The following STARD9 variants were observed in gnomAD, a reference collection of about 807,000 sequenced individuals.
The protein encoded by STARD9 is stAR-related lipid transfer protein 9.
Under a neutral mutation model 399.8 loss-of-function variants are expected in STARD9, and 346 were observed. The observed-to-expected ratio is 0.87, with a 90% confidence interval of 0.79 to 0.95. The LOEUF (loss-of-function observed/expected upper bound fraction) is 0.95, where lower values mean the gene tolerates loss of function less well. Ranked by LOEUF, STARD9 falls within the 40% of genes least tolerant of loss-of-function variation. The pLI is 0.00. For synonymous variants in STARD9, 2,203 were observed against 2,143.5 expected (o/e 1.03, Z -0.77); for missense variants, 5,832 against 5,667.5 (o/e 1.03, Z -0.93).
intron 26 of STARD9, among the ~76,000 whole-genome samples, chr15:42,702,007 A>C (rs112745455): frequency 0.025 from 3,834 of 151,014 alleles, 189 homozygotes; most frequent in East Asian, 0.076. Flanking sequence ...AAAAAAAAAA[A>C]AAAAAAAAAG....
At chr15:42,583,317 T>A in intron 1 of STARD9, 29 bp from the exon 2 acceptor site, 1 of 1,510,328 alleles carries the variant, frequency 6.6e-7, no homozygotes, top group Non-Finnish European at 8.9e-7. Flanking sequence ...AAAAACAACA[T>A]TTCTTCTGAG....
intron 20 of STARD9, 135 bp downstream of exon 20, chr15:42,676,110 C>T (rs2060306854): frequency 2.8e-6 from 2 of 716,604 alleles, no homozygotes; most frequent in East Asian, 5.5e-5. Context: ...TCTGAATCAA[C>T]TTGGGCAAGT....
chr15:42,655,346 C>T (rs1160376802), intron 9 of STARD9, among the ~76,000 whole-genome samples: 1 of 152,082 alleles, frequency 6.6e-6, no homozygotes, highest in Non-Finnish European at 1.5e-5. Flanking sequence ...TACTATAAGG[C>T]CAATAGTTAC....
At position 42,684,442 on chromosome 15, in the gene STARD9, C is replaced by G; in HGVS notation, c.2864C>G (p.Ser955Ter). The change falls in exon 23 of 33, where the codon TCA becomes TGA. Residue 955 changes from serine to a stop codon, truncating the protein, a stop_gained. Transcript: ENST00000290607. LOFTEE classifies it high-confidence loss of function. The part of the protein sequence containing the change: ...VSQGLASLRK[S>*]ANKLKPRHEP... ...CAGGGCTTAGCATCTCTGAGGAAAT[C>G]AGCTAACAAACTAAAGCCAAGGCAT... The G allele has an allele frequency of 6.5e-7, 1 of 1,537,252 alleles. No individual in the cohort carries two copies. The highest frequency in any genetic ancestry group is 8.7e-7 in the Non-Finnish European group (1 of 1,146,920).
rs2060644265 is a variant in STARD9, at chr15:42,689,681, CAT to C, written c.8105_8106del (p.Ile2702ArgfsTer14). On this transcript the variant is annotated frameshift_variant, in exon 23 of 33. Coordinates refer to ENST00000290607, the MANE Select transcript of STARD9 (RefSeq NM_020759.3). LOFTEE classifies it high-confidence loss of function. ...TATGTCACTCTAGTTCTTCTGAAAT[CAT>C]AGAGAAAAAGAAAGATGCAACCAGA... ...FICHSSSSEI[I>X]EKKKDATRTP... The C allele has an allele frequency of 6.5e-7, 1 of 1,537,660 alleles. No individual in the cohort carries two copies. The highest frequency in any genetic ancestry group is 1.2e-5 in the South Asian group (1 of 84,060).
chr15:42,601,253 T>C (rs1786502135), intron 3 of STARD9, among the ~76,000 whole-genome samples: 3 of 152,204 alleles, frequency 2.0e-5, no homozygotes, highest in Non-Finnish European at 2.9e-5. Flanking sequence ...TGGAGTCTCC[T>C]ATGTCTACTT....
intron 3 of STARD9, among the ~76,000 whole-genome samples, chr15:42,587,973 C>T (rs568624348): frequency 3.9e-5 from 6 of 152,218 alleles, no homozygotes; most frequent in Non-Finnish European, 5.9e-5. Flanking sequence ...AAGTAACTAA[C>T]TTTGAGTAAG....
chr15:42,607,651 T>TACACACACACACACACAC (rs10655556), intron 3 of STARD9, among the ~76,000 whole-genome samples: 38 of 143,664 alleles, frequency 2.6e-4, no homozygotes, highest in African/African-American at 9.5e-4. Context: ...CACACACTTA[T>TACACACACACACACACAC]ACACACACAC....
chr15:42,591,243 T>C (rs987085862), intron 3 of STARD9, among the ~76,000 whole-genome samples: 2 of 152,242 alleles, frequency 1.3e-5, no homozygotes, highest in East Asian at 3.9e-4. Context: ...ATCCTAGCAC[T>C]TTGGGAGGCC....
chr15:42,599,449 T>C (rs528820613), intron 3 of STARD9, among the ~76,000 whole-genome samples: 6 of 152,342 alleles, frequency 3.9e-5, no homozygotes, highest in African/African-American at 1.4e-4. Flanking sequence ...TTGGCTCCTC[T>C]TCCTAGTGTA....
intron 26 of STARD9, among the ~76,000 whole-genome samples, chr15:42,699,993 G>C (rs2140330451): frequency 6.6e-6 from 1 of 152,274 alleles, no homozygotes; most frequent in East Asian, 1.9e-4. Context: ...AGGCGTGTGA[G>C]ATCAACTTTT....
Position 42,686,365 on chromosome 15 carries a change from C to T in STARD9, c.4787C>T (p.Ser1596Leu), listed in dbSNP as rs1348004591. The T allele has an allele frequency of 3.3e-6, 5 of 1,537,388 alleles. No individual in the cohort carries two copies. The African/African-American group carries it at 4.1e-5, about 13-fold the overall frequency. ...YDETYSADLE[S>L]LSASRSTNAQ... ...GAAACTTATTCGGCAGACTTAGAATCATTGTCTGCTTCTCGATCTACAAAT... is the reference window on the plus strand; with the variant it reads ...GAAACTTATTCGGCAGACTTAGAATTATTGTCTGCTTCTCGATCTACAAAT... Residue 1596 changes from serine to leucine, a missense_variant, in exon 23 of 33, where the codon TCA (serine) becomes TTA (leucine). Around this residue, in one of 2 missense-constraint regions of STARD9, gnomAD observed 5,828 missense variants for 5,651.1 expected, o/e 1.03. Coordinates refer to ENST00000290607, the MANE Select transcript of STARD9 (RefSeq NM_020759.3).
chr15:42,687,191 AGTT>A lies in STARD9; in HGVS notation c.5616_5618del (p.Val1873del). On this transcript the variant is annotated inframe_deletion, in exon 23 of 33. Transcript: ENST00000290607. ...CAAAAGTATGTGAATTTGAAAACCAAGTTGTAATTTTAAATAAAAAACACAGTT... is the reference window on the plus strand; with the variant it reads ...CAAAAGTATGTGAATTTGAAAACCAAGTAATTTTAAATAAAAAACACAGTT... 1 of 1,537,446 alleles carries A rather than the reference AGTT, an allele frequency of 6.5e-7. No individual in the cohort carries two copies. Among genetic ancestry groups the A allele is most frequent in the Non-Finnish European group, 8.7e-7 (1 of 1,146,960 alleles).
At chr15:42,628,417 G>A (rs1205832157) in intron 3 of STARD9, among the ~76,000 whole-genome samples, 1 of 152,138 alleles carries the variant, frequency 6.6e-6, no homozygotes, top group East Asian at 1.9e-4. Context: ...TTGCTATGCA[G>A]AAGCTTTTTA....
chr15:42,689,430 G>A lies in STARD9; in HGVS notation c.7852G>A (p.Val2618Met), dbSNP rs1240742260. ...TGAGGGTGAAGCACCGGGATTTCAT[G>A]TGGCATCTCTATCTGCTGAAGCAGG... ...RNEGEAPGFH[V>M]ASLSAEAGQI... is the part of the protein sequence containing the mutation. The change falls in exon 23 of 33, where the codon GTG (valine) becomes ATG (methionine). Residue 2618 changes from valine (V) to methionine (M), a missense_variant. Coordinates refer to ENST00000290607, the MANE Select transcript of STARD9 (RefSeq NM_020759.3). 6.5e-7 allele frequency: 1 copy of A among 1,537,434 alleles called. No homozygotes were observed. The highest frequency in any genetic ancestry group is 8.7e-7 in the Non-Finnish European group (1 of 1,146,942).
At chr15:42,710,816 G>A (rs1031966067) in intron 26 of STARD9, among the ~76,000 whole-genome samples, 1 of 152,022 alleles carries the variant, frequency 6.6e-6, no homozygotes, top group African/African-American at 2.4e-5. Flanking sequence ...CTTCTGATGG[G>A]TTACCAGCAA....
chr15:42,596,714 A>C (rs1273219408), intron 3 of STARD9, among the ~76,000 whole-genome samples: 1 of 152,200 alleles, frequency 6.6e-6, no homozygotes, highest in East Asian at 1.9e-4. Context: ...GTTCAGAGAA[A>C]GTTTTGGGAA....
At chr15:42,592,808 T>C (rs187420420) in intron 3 of STARD9, among the ~76,000 whole-genome samples, 3 of 152,360 alleles carry the variant, frequency 2.0e-5, no homozygotes, top group African/African-American at 7.2e-5. Flanking sequence ...TGTTAATATT[T>C]GGACTTGCAG....
At chr15:42,575,971 CCG>C (rs60111534) in intron 1 of STARD9, among the ~76,000 whole-genome samples, 9,046 of 152,246 alleles carry the variant, frequency 0.059, 588 homozygotes, top group Admixed American at 0.15. Context: ...TCCCGGACGG[CCG>C]CGGGAGGGCT....
Sources: gnomAD v4.1 joint callset for allele counts (sites outside exome capture counted in the v4.1 genomes callset) on GRCh38, gnomAD v4.1.1 for gene constraint, gnomAD v4.1.1 regional missense constraint, MANE v1.5 for transcripts, NCBI Gene and HGNC (gene_info 2026-07-23, HGNC 2026-07-21) for gene names.